HSDL2: variants seen among roughly 807,000 people sequenced by gnomAD.
HSDL2 encodes hydroxysteroid dehydrogenase like 2.
HSDL2 carries 27 observed loss-of-function variants against 46.3 expected under a neutral mutation model. The ratio of observed to expected loss-of-function variants is 0.58; its 90% confidence interval spans 0.43 to 0.80. The LOEUF is 0.80. Ranked by LOEUF, HSDL2 falls within the 30% of genes least tolerant of loss-of-function variation. HSDL2 has a pLI of 0.00. For synonymous variants in HSDL2, 153 were observed against 163.6 expected (o/e 0.94, Z 0.50); for missense variants, 451 against 502.7 (o/e 0.90, Z 0.98).
intron 10 of HSDL2, among the ~76,000 whole-genome samples, chr9:112,468,641 C>T (rs751579411): frequency 6.6e-6 from 1 of 151,994 alleles, no homozygotes; most frequent in Non-Finnish European, 1.5e-5. Flanking sequence ...CTGTGCTCCT[C>T]CTCTTCCCTC....
Position 112,405,837 on chromosome 9 carries a change from C to T in HSDL2, c.280+115C>T, listed in dbSNP as rs1018035827. ...AATTTTCTGAGTCTTTGGAGAAATA[C>T]GTATTTGCTCACACAGAACATGATT... On this transcript the variant is annotated intron_variant, in intron 3 of 10. Transcript: ENST00000398805. The T allele has an allele frequency of 5.5e-5, 36 of 659,396 alleles. 1 individual carries two copies. The Middle Eastern group carries it at 1.1e-3, about 21-fold the overall frequency. The allele number at this position is 659,396 out of a possible 1,614,324, so 40.8% of individuals were successfully genotyped here. A position where few individuals can be genotyped will look rare whatever the true frequency, so the allele number is the denominator to read the frequency against.
intron 1 of HSDL2, among the ~76,000 whole-genome samples, chr9:112,401,862 T>A (rs1055215643): frequency 6.6e-6 from 1 of 152,214 alleles, no homozygotes; most frequent in African/African-American, 2.4e-5. Flanking sequence ...ATGCTTTTTA[T>A]ATGTGTGCTA....
chr9:112,417,460 G>A (rs1161225568), intron 5 of HSDL2, among the ~76,000 whole-genome samples: 2 of 140,370 alleles, frequency 1.4e-5, no homozygotes, highest in Admixed American at 1.5e-4. Flanking sequence ...CTGGGTGACA[G>A]AGCGAGACCC....
chr9:112,431,309 T>C (rs1832391732), intron 6 of HSDL2, among the ~76,000 whole-genome samples: 1 of 151,792 alleles, frequency 6.6e-6, no homozygotes, highest in South Asian at 2.1e-4. Context: ...ATATAGAACA[T>C]ATAAAAAGCC....
chr9:112,415,150 G>A (rs1831963124), intron 4 of HSDL2, among the ~76,000 whole-genome samples: 1 of 152,062 alleles, frequency 6.6e-6, no homozygotes, highest in Non-Finnish European at 1.5e-5. Context: ...CTACCTTAAT[G>A]AGTGACTTTT....
chr9:112,435,496 T>C (rs1036294558), intron 6 of HSDL2, among the ~76,000 whole-genome samples: 3 of 152,156 alleles, frequency 2.0e-5, no homozygotes, highest in African/African-American at 4.8e-5. Flanking sequence ...AGCCTGGCTC[T>C]GAAGTCAGGC....
At chr9:112,451,854 G>A (rs1187600910) in intron 8 of HSDL2, among the ~76,000 whole-genome samples, 3 of 151,900 alleles carry the variant, frequency 2.0e-5, no homozygotes, top group Non-Finnish European at 2.9e-5. Context: ...ACTAATATAT[G>A]GTGTTAGCAA....
At chr9:112,466,410 G>A (rs1833380817) in intron 10 of HSDL2, among the ~76,000 whole-genome samples, 2 of 152,106 alleles carry the variant, frequency 1.3e-5, no homozygotes, top group South Asian at 4.2e-4. Context: ...AAAATTAGCT[G>A]GGCATGGTGG....
chr9:112,447,949 T>G (rs191139350), intron 8 of HSDL2, among the ~76,000 whole-genome samples: 2 of 152,320 alleles, frequency 1.3e-5, no homozygotes, highest in African/African-American at 4.8e-5. Context: ...TAATAGTTTT[T>G]GAGAGAGCGT....
chr9:112,427,825 T>C (rs1832287140), intron 6 of HSDL2, among the ~76,000 whole-genome samples: 1 of 152,226 alleles, frequency 6.6e-6, no homozygotes, highest in African/African-American at 2.4e-5. Context: ...ATTTTATTTA[T>C]TCATTCATCA....
At chr9:112,463,931 G>A (rs574215477) in intron 10 of HSDL2, among the ~76,000 whole-genome samples, 21 of 152,214 alleles carry the variant, frequency 1.4e-4, no homozygotes, top group African/African-American at 4.6e-4. Flanking sequence ...AAAGTGCTGG[G>A]ATTATAGGCA....
At chr9:112,380,293 A>C in intron 1 of HSDL2, 113 bp downstream of exon 1, 1 of 1,006,530 alleles carries the variant, frequency 9.9e-7, no homozygotes, top group Non-Finnish European at 1.4e-6. Context: ...GGTCAAGGAT[A>C]CTGCCTGGGC....
intron 8 of HSDL2, among the ~76,000 whole-genome samples, chr9:112,446,469 A>G (rs1211470603): frequency 6.6e-6 from 1 of 152,134 alleles, no homozygotes; most frequent in Admixed American, 6.6e-5. Context: ...ATTTCTACAA[A>G]AAATTTTTAA....
chr9:112,441,778 C>A lies in HSDL2; in HGVS notation c.865+8C>A, dbSNP rs1253676831. ...AGAAAGTGGAATCAACTGGTAAGAT[C>A]TAGACTATATTTTATGTTAGAAAAT... On this transcript the variant is annotated splice_region_variant and intron_variant, in intron 8 of 10. Transcript: ENST00000398805. 5 of 1,506,354 alleles carry A rather than the reference C, an allele frequency of 3.3e-6. No homozygotes were observed. Among genetic ancestry groups the A allele is most frequent in the South Asian group, 2.3e-5 (2 of 88,476 alleles). 93.3% of individuals were successfully genotyped at this position (1,506,354 alleles called of 1,614,324 possible).
At chr9:112,406,237 G>T (rs1044426504) in intron 3 of HSDL2, among the ~76,000 whole-genome samples, 2 of 152,024 alleles carry the variant, frequency 1.3e-5, no homozygotes, top group Non-Finnish European at 2.9e-5. Flanking sequence ...GGGATGCAAG[G>T]GGGGTAGATG....
intron 8 of HSDL2, among the ~76,000 whole-genome samples, chr9:112,443,373 T>C (rs1480571308): frequency 1.3e-5 from 2 of 152,152 alleles, no homozygotes; most frequent in Non-Finnish European, 2.9e-5. Flanking sequence ...AGACAGATAC[T>C]CCCCTCATTT....
chr9:112,416,715 A>G (rs1459238239), intron 4 of HSDL2, 126 bp from the exon 5 acceptor site: 26 of 521,476 alleles, frequency 5.0e-5, no homozygotes, highest in Non-Finnish European at 7.6e-5. Flanking sequence ...TCAAGGCTTT[A>G]GTGAACTGTG....
chr9:112,432,490 A>G (rs1022040583), intron 6 of HSDL2, among the ~76,000 whole-genome samples: 1 of 152,204 alleles, frequency 6.6e-6, no homozygotes, highest in Non-Finnish European at 1.5e-5. Context: ...GTGCAATATG[A>G]TTACCTTCTG....
intron 4 of HSDL2, among the ~76,000 whole-genome samples, chr9:112,415,752 T>C (rs1831975897): frequency 6.6e-6 from 1 of 152,156 alleles, no homozygotes; most frequent in African/African-American, 2.4e-5. Flanking sequence ...TTAGTTGCTT[T>C]TTCTGTCTTA....
Sources: gnomAD v4.1 joint callset for allele counts (sites outside exome capture counted in the v4.1 genomes callset) on GRCh38, gnomAD v4.1.1 for gene constraint, MANE v1.5 for transcripts, NCBI Gene and HGNC (gene_info 2026-07-23, HGNC 2026-07-21) for gene names.